The following MAGI2 variants were observed in gnomAD, a reference collection of about 807,000 sequenced individuals.
MAGI2 encodes the protein membrane-associated guanylate kinase, WW and PDZ domain-containing protein 2.
A neutral mutation model predicts 133.3 loss-of-function variants in MAGI2; 35 were observed. The observed-to-expected ratio is 0.26, with a 90% CI of 0.20 to 0.35. The LOEUF is 0.35. Among genes scored for constraint, MAGI2 ranks in the 10% least tolerant of loss-of-function variants. MAGI2 has a pLI of 1.00. For synonymous variants in MAGI2, 729 were observed against 710.6 expected (o/e 1.03, Z -0.41); for missense variants, 1,636 against 1,863.4 (o/e 0.88, Z 2.25).
At chr7:78,769,866 A>C (rs893934654) in intron 2 of MAGI2, among the ~76,000 whole-genome samples, 1 of 152,142 alleles carries the variant, frequency 6.6e-6, no homozygotes, top group Non-Finnish European at 1.5e-5. Flanking sequence ...ACTGCATCCT[A>C]TTCAGAACTA....
intron 1 of MAGI2, among the ~76,000 whole-genome samples, chr7:79,210,504 T>C (rs534694234): frequency 1.3e-5 from 2 of 152,150 alleles, no homozygotes; most frequent in East Asian, 3.9e-4. Flanking sequence ...TGACTAATAA[T>C]AGTCTAACAT....
chr7:78,655,454 CAAAAAA>C, intron 2 of MAGI2, among the ~76,000 whole-genome samples: 1 of 64,950 alleles, frequency 1.5e-5, no homozygotes, highest in African/African-American at 6.3e-5. Flanking sequence ...AAAAAACAAC[CAAAAAA>C]AAAAAAAAAA....
At chr7:78,416,043 A>G (rs1375480904) in intron 6 of MAGI2, among the ~76,000 whole-genome samples, 3 of 152,130 alleles carry the variant, frequency 2.0e-5, no homozygotes, top group Non-Finnish European at 4.4e-5. Context: ...CAGGTTGGGT[A>G]AAAGTGAGCA....
intron 2 of MAGI2, among the ~76,000 whole-genome samples, chr7:78,648,765 T>C (rs920404923): frequency 1.2e-4 from 18 of 152,178 alleles, no homozygotes; most frequent in African/African-American, 3.6e-4. Flanking sequence ...AATTCTTTAA[T>C]AGACTTCCAA....
At position 78,863,456 on chromosome 7, in the gene MAGI2, G is replaced by A. The variant is rs1340473054; in HGVS notation, c.418+143634C>T. On this transcript the variant is annotated intron_variant, in intron 2 of 21. Transcript: ENST00000354212. ...AGAGAGAAAGGGGGAGGGGTGCCAG[G>A]CTCTTTTCAACAACCAGCTCTCAAG... 3.3e-5 allele frequency among the ~76,000 whole-genome samples: 5 copies of A among 152,264 alleles called. No homozygotes were observed. In the East Asian group the frequency reaches 9.7e-4, roughly 29 times the overall value.
At chr7:79,432,083 G>T (rs1414969458) in intron 1 of MAGI2, among the ~76,000 whole-genome samples, 2 of 152,146 alleles carry the variant, frequency 1.3e-5, no homozygotes, top group Non-Finnish European at 2.9e-5. Flanking sequence ...ATGTAGCTAA[G>T]GCTTCAAAGC....
intron 1 of MAGI2, among the ~76,000 whole-genome samples, chr7:79,432,217 T>C (rs1433815231): frequency 6.6e-6 from 1 of 152,216 alleles, no homozygotes; most frequent in Admixed American, 6.5e-5. Context: ...ATGAAAAAGA[T>C]GCTTTAAAAA....
At chr7:78,302,914 A>C (rs1188539219) in intron 9 of MAGI2, among the ~76,000 whole-genome samples, 2 of 152,158 alleles carry the variant, frequency 1.3e-5, no homozygotes, top group African/African-American at 2.4e-5. Flanking sequence ...TCCTTCAGGA[A>C]CCAAGTGGGA....
At chr7:79,104,554 C>G (rs979746385) in intron 1 of MAGI2, among the ~76,000 whole-genome samples, 3 of 152,010 alleles carry the variant, frequency 2.0e-5, no homozygotes, top group African/African-American at 7.3e-5. Context: ...GTAGTCCCAG[C>G]TACTCAGGAG....
intron 1 of MAGI2, among the ~76,000 whole-genome samples, chr7:79,155,281 A>C (rs1823663436): frequency 6.6e-6 from 1 of 152,176 alleles, no homozygotes; most frequent in African/African-American, 2.4e-5. Context: ...ATATTCATTT[A>C]TTCACTCATT....
At chr7:78,967,153 G>C (rs1409955877) in intron 2 of MAGI2, among the ~76,000 whole-genome samples, 2 of 151,794 alleles carry the variant, frequency 1.3e-5, no homozygotes, top group Admixed American at 6.6e-5. Flanking sequence ...TGTTGCCCAG[G>C]CTGGTCTCAA....
intron 2 of MAGI2, among the ~76,000 whole-genome samples, chr7:78,888,579 G>A (rs569538923): frequency 9.9e-5 from 15 of 152,272 alleles, no homozygotes; most frequent in South Asian, 4.1e-4. Flanking sequence ...ACCAATATCC[G>A]CTGTTCTTCA....
chr7:78,769,532 C>T (rs964483569), intron 2 of MAGI2, among the ~76,000 whole-genome samples: 1 of 151,950 alleles, frequency 6.6e-6, no homozygotes, highest in Admixed American at 6.6e-5. Context: ...AAAAGGCAGG[C>T]GAACTGAAAG....
chr7:79,155,583 T>C (rs1472841731), intron 1 of MAGI2, among the ~76,000 whole-genome samples: 3 of 152,080 alleles, frequency 2.0e-5, no homozygotes, highest in African/African-American at 7.2e-5. Flanking sequence ...GAGAAGGATA[T>C]TTTCCTCAGG....
chr7:78,265,150 C>T (rs373576027), intron 9 of MAGI2, among the ~76,000 whole-genome samples: 1 of 151,880 alleles, frequency 6.6e-6, no homozygotes, highest in African/African-American at 2.4e-5. Flanking sequence ...GTGAATTAGT[C>T]CAACGATGTA....
intron 1 of MAGI2, among the ~76,000 whole-genome samples, chr7:79,062,519 T>C (rs942163296): frequency 2.6e-5 from 4 of 152,156 alleles, no homozygotes; most frequent in African/African-American, 9.7e-5. Context: ...TTTATTTTCA[T>C]TGAATGGAAA....
At chr7:79,246,068 C>A (rs1832803048) in intron 1 of MAGI2, among the ~76,000 whole-genome samples, 1 of 152,222 alleles carries the variant, frequency 6.6e-6, no homozygotes, top group South Asian at 2.1e-4. Context: ...AGACCTACAG[C>A]ATTACTGGGC....
intron 2 of MAGI2, among the ~76,000 whole-genome samples, chr7:78,670,866 T>G (rs1814296892): frequency 6.6e-6 from 1 of 152,176 alleles, no homozygotes; most frequent in Non-Finnish European, 1.5e-5. Flanking sequence ...ACATTCTACT[T>G]TATCATTAAA....
intron 9 of MAGI2, among the ~76,000 whole-genome samples, chr7:78,266,889 G>A (rs1023345440): frequency 6.6e-6 from 1 of 152,096 alleles, no homozygotes; most frequent in Non-Finnish European, 1.5e-5. Context: ...CCTCTTTTAT[G>A]ACTCCAACTG....
Sources: gnomAD v4.1 joint callset for allele counts (sites outside exome capture counted in the v4.1 genomes callset) on GRCh38, gnomAD v4.1.1 for gene constraint, MANE v1.5 for transcripts, NCBI Gene and HGNC (gene_info 2026-07-23, HGNC 2026-07-21) for gene names.